Variants in SMAD3 observed in about 807,000 individuals in gnomAD.
SMAD3 encodes the protein MAD homolog 3.
A neutral mutation model predicts 51.8 loss-of-function variants in SMAD3; 12 were observed. That is an observed-to-expected ratio of 0.23 (90% CI 0.15 to 0.38). The LOEUF is 0.38. Ranked by LOEUF, SMAD3 falls within the 10% of genes least tolerant of loss-of-function variation. The pLI is 1.00. For synonymous variants in SMAD3, 238 were observed against 227.7 expected, an observed-to-expected ratio of 1.05 and a Z score of -0.41; for missense variants, 294 against 565.6, an observed-to-expected ratio of 0.52 and a Z score of 4.87.
chr15:67,193,427 C>G lies in SMAD3; in HGVS notation c.*2891C>G, dbSNP rs886051421. On this transcript the variant is annotated 3_prime_UTR_variant, in exon 9 of 9. Coordinates refer to ENST00000327367, the MANE Select transcript of SMAD3 (RefSeq NM_005902.4). ...AAGGAGCCAACTTTTATTCCCTTTC[C>G]TCTCTCCCCTCCCCACCTCGCTTCT... 4.3e-6 allele frequency: 1 copy of G among 233,880 alleles called. No individual in the cohort carries two copies. Among genetic ancestry groups the G allele is most frequent in the Admixed American group, 5.6e-5 (1 of 17,798 alleles). 14.5% of individuals were successfully genotyped at this position (233,880 alleles called of 1,614,324 possible).
At chr15:67,080,121 C>G (rs1447799149) in intron 1 of SMAD3, among the ~76,000 whole-genome samples, 1 of 152,210 alleles carries the variant, frequency 6.6e-6, no homozygotes, top group Non-Finnish European at 1.5e-5. Flanking sequence ...CACCCTGCCT[C>G]TGGTCTTGAT....
intron 1 of SMAD3, among the ~76,000 whole-genome samples, chr15:67,084,233 A>C (rs11071930): frequency 2.0e-5 from 3 of 150,564 alleles, no homozygotes; most frequent in African/African-American, 7.3e-5. Flanking sequence ...CTGCCACCAC[A>C]CCTGGCTAAT....
rs1963045994 is a variant in SMAD3, at chr15:67,181,285, A to G, written c.703A>G (p.Ile235Val). The G allele has an allele frequency of 1.2e-6, 2 of 1,613,720 alleles. No homozygotes were observed. The highest frequency in any genetic ancestry group is 1.1e-5 in the South Asian group (1 of 91,046). The part of the protein sequence containing the change: ...TYCEPAFWCS[I>V]SYYELNQRVG... Reference sequence around the variant, plus strand: ...CTGCGAGCCGGCCTTCTGGTGCTCCATCTCCTACTACGAGCTGAACCAGCG... The same window carrying G: ...CTGCGAGCCGGCCTTCTGGTGCTCCGTCTCCTACTACGAGCTGAACCAGCG... Residue 235 changes from isoleucine to valine, a missense_variant, in exon 6 of 9, where the codon ATC becomes GTC. By Grantham distance (29) the Ile-to-Val change is conservative (BLOSUM62 3). Transcript: ENST00000327367.
intron 1 of SMAD3, among the ~76,000 whole-genome samples, chr15:67,071,422 T>G (rs1960050128): frequency 6.6e-6 from 1 of 152,200 alleles, no homozygotes; most frequent in Admixed American, 6.5e-5. Flanking sequence ...AAGTAAAAAG[T>G]AAGTTAGTAC....
chr15:67,100,049 C>T (rs1960714492), intron 1 of SMAD3, among the ~76,000 whole-genome samples: 2 of 152,006 alleles, frequency 1.3e-5, no homozygotes, highest in African/African-American at 4.8e-5. Flanking sequence ...GGCATGGTGC[C>T]ACATGCCTGT....
Position 67,066,147 on chromosome 15 carries a change from C to T in SMAD3, c.-8C>T, listed in dbSNP as rs1314539639. The T allele has an allele frequency of 1.3e-6, 2 of 1,583,050 alleles. No homozygotes were observed. Among genetic ancestry groups the T allele is most frequent in the Non-Finnish European group, 1.7e-6 (2 of 1,165,630 alleles). ...GCGCTCCTCGCCGCCCGCGCGCCCT[C>T]CCCAGCCATGTCGTCCATCCTGCCT... On this transcript the variant is annotated 5_prime_UTR_variant, in exon 1 of 9. Transcript: ENST00000327367.
At chr15:67,135,768 A>G (rs1961644299) in intron 1 of SMAD3, among the ~76,000 whole-genome samples, 1 of 152,136 alleles carries the variant, frequency 6.6e-6, no homozygotes, top group Admixed American at 6.5e-5. Flanking sequence ...GTGGTGGGGT[A>G]TGTGTGTGTG....
chr15:67,096,401 T>C (rs1960616187), intron 1 of SMAD3, among the ~76,000 whole-genome samples: 1 of 152,216 alleles, frequency 6.6e-6, no homozygotes, highest in African/African-American at 2.4e-5. Context: ...TAAAATACAA[T>C]TCATGTAATG....
Position 67,165,063 on chromosome 15 carries a change from C to CCACT in SMAD3, c.376_379dup (p.Tyr127SerfsTer40). 6.2e-7 allele frequency: 1 copy of CCACT among 1,614,196 alleles called. No individual in the cohort carries two copies. Among genetic ancestry groups the CCACT allele is most frequent in the Non-Finnish European group, 8.5e-7 (1 of 1,180,036 alleles). ...AGGACGAGGTCTGCGTGAATCCCTACCACTACCAGAGAGTAGAGACACCAG... is the reference window on the plus strand; with the variant it reads ...AGGACGAGGTCTGCGTGAATCCCTACCACTCACTACCAGAGAGTAGAGACACCAG... On this transcript the variant is annotated frameshift_variant, in exon 2 of 9. Coordinates refer to ENST00000327367, the MANE Select transcript of SMAD3 (RefSeq NM_005902.4). LOFTEE classifies it high-confidence loss of function.
At chr15:67,117,747 G>C (rs995386885) in intron 1 of SMAD3, among the ~76,000 whole-genome samples, 1 of 152,196 alleles carries the variant, frequency 6.6e-6, no homozygotes. Context: ...TAACATAGAA[G>C]CACATAGTAC....
At chr15:67,110,785 T>C (rs915469613) in intron 1 of SMAD3, among the ~76,000 whole-genome samples, 2 of 152,200 alleles carry the variant, frequency 1.3e-5, no homozygotes, top group Admixed American at 1.3e-4. Context: ...TTAAAGAAAT[T>C]CTTCCTTTTG....
chr15:67,137,026 G>T (rs963212603), intron 1 of SMAD3, among the ~76,000 whole-genome samples: 6 of 152,218 alleles, frequency 3.9e-5, no homozygotes, highest in Admixed American at 2.6e-4. Flanking sequence ...TCAGGCTGGG[G>T]TCTGACCTCT....
chr15:67,087,221 G>A (rs1960413274), intron 1 of SMAD3, among the ~76,000 whole-genome samples: 1 of 152,030 alleles, frequency 6.6e-6, no homozygotes, highest in Non-Finnish European at 1.5e-5. Context: ...AGTGTCTCTG[G>A]GAAGCAGCCT....
intron 1 of SMAD3, among the ~76,000 whole-genome samples, chr15:67,084,711 C>G (rs1248435738): frequency 6.6e-6 from 1 of 152,102 alleles, no homozygotes; most frequent in African/African-American, 2.4e-5. Flanking sequence ...AGAACCGACT[C>G]CCAGGGTAGG....
intron 1 of SMAD3, among the ~76,000 whole-genome samples, chr15:67,093,992 G>A (rs1960562327): frequency 6.6e-6 from 1 of 152,248 alleles, no homozygotes; most frequent in African/African-American, 2.4e-5. Context: ...CACAGGCAAG[G>A]AATCTGAACC....
At position 67,165,027 on chromosome 15, in the gene SMAD3, C is replaced by T; in HGVS notation, c.339C>T (p.Phe113=). ...CCATGGAGCTGTGTGAGTTCGCCTT[C>T]AATATGAAGAAGGACGAGGTCTGCG... The part of the protein sequence containing the change: ...LRAMELCEFA[F]NMKKDEVCVN... Residue 113 remains phenylalanine, a synonymous_variant, in exon 2 of 9, where the codon TTC becomes TTT. Transcript: ENST00000327367. 1.2e-6 allele frequency: 2 copies of T among 1,614,180 alleles called. No homozygotes were observed. The highest frequency in any genetic ancestry group is 1.7e-6 in the Non-Finnish European group (2 of 1,180,042).
intron 1 of SMAD3, among the ~76,000 whole-genome samples, chr15:67,107,965 T>TCCCCCCCCCCCCCCCCCCCCCCCC (rs138958033): frequency 4.0e-5 from 5 of 124,716 alleles, no homozygotes; most frequent in Admixed American, 1.7e-4. Flanking sequence ...TGCTCTCCTC[T>TCCCCCCCCCCCCCCCCCCCCCCCC]CCCCCCCACC....
chr15:67,142,702 T>C (rs2140267072), intron 1 of SMAD3: 1 of 314,818 alleles, frequency 3.2e-6, no homozygotes, highest in East Asian at 1.0e-4. Flanking sequence ...CAGAGGCTGC[T>C]GGCATCTTAA....
intron 1 of SMAD3, among the ~76,000 whole-genome samples, chr15:67,148,497 C>T (rs1566984827): frequency 6.6e-6 from 1 of 152,240 alleles, no homozygotes; most frequent in African/African-American, 2.4e-5. Context: ...AGATGACTCT[C>T]TCTCCCTGGT....
Sources: gnomAD v4.1 joint callset for allele counts (sites outside exome capture counted in the v4.1 genomes callset) on GRCh38, gnomAD v4.1.1 for gene constraint, MANE v1.5 for transcripts, NCBI Gene and HGNC (gene_info 2026-07-23, HGNC 2026-07-21) for gene names.